B4GALT5: variants seen among roughly 807,000 people sequenced by gnomAD.
B4GALT5 encodes beta-1,4-galactosyltransferase 5.
A neutral mutation model predicts 45.0 loss-of-function variants in B4GALT5; 11 were observed. That is an observed-to-expected ratio of 0.24 (90% confidence interval 0.15 to 0.40). The LOEUF (loss-of-function observed/expected upper bound fraction) is 0.40, where lower values mean the gene tolerates loss of function less well. Ranked by LOEUF, B4GALT5 falls within the 10% of genes least tolerant of loss-of-function variation. B4GALT5 has a pLI of 1.00. For missense variants in B4GALT5, 337 were observed against 500.2 expected (o/e 0.67, Z 3.11); for synonymous variants, 185 against 182.9 (o/e 1.01, Z -0.09).
At chr20:49,650,468 A>C in intron 2 of B4GALT5, among the ~76,000 whole-genome samples, 1 of 151,360 alleles carries the variant, frequency 6.6e-6, no homozygotes. Flanking sequence ...AAAAAAAAAA[A>C]AAAAAAAAAA....
chr20:49,646,955 C>A lies in B4GALT5; in HGVS notation c.364+10G>T, dbSNP rs375548544. The stretch of plus-strand genomic sequence containing the variant: ...AAAAGCAGAGGAAGACAGGCCAGAG[C>A]TGTACTCACTCATGGAAGGGAGTCT... On this transcript the variant is annotated intron_variant, in intron 3 of 8. Coordinates refer to ENST00000371711, the MANE Select transcript of B4GALT5 (RefSeq NM_004776.4). 3 of 1,557,076 alleles carry A rather than the reference C, an allele frequency of 1.9e-6. No individual in the cohort carries two copies. The highest frequency in any genetic ancestry group is 2.2e-5 in the South Asian group (2 of 89,560).
intron 1 of B4GALT5, among the ~76,000 whole-genome samples, chr20:49,672,210 T>C (rs2085718978): frequency 6.6e-6 from 1 of 152,234 alleles, no homozygotes; most frequent in Non-Finnish European, 1.5e-5. Flanking sequence ...ATTGTTAGCC[T>C]GGAAGCTTGT....
chr20:49,695,118 T>C (rs574031871), intron 1 of B4GALT5, among the ~76,000 whole-genome samples: 4 of 151,544 alleles, frequency 2.6e-5, no homozygotes, highest in East Asian at 1.9e-4. Context: ...TTTTTGGTGA[T>C]GAGTAACTAA....
At chr20:49,676,600 TCC>T (rs1243228421) in intron 1 of B4GALT5, among the ~76,000 whole-genome samples, 1 of 152,182 alleles carries the variant, frequency 6.6e-6, no homozygotes, top group Admixed American at 6.5e-5. Flanking sequence ...AGCTCTTCCT[TCC>T]GTAAGAAGGC....
chr20:49,665,605 T>C (rs2085687118), intron 1 of B4GALT5, among the ~76,000 whole-genome samples: 1 of 151,028 alleles, frequency 6.6e-6, no homozygotes, highest in Non-Finnish European at 1.5e-5. Context: ...TCAACACTCA[T>C]TATATACATA....
chr20:49,707,894 A>G (rs559855249), intron 1 of B4GALT5, among the ~76,000 whole-genome samples: 8 of 149,274 alleles, frequency 5.4e-5, no homozygotes, highest in Non-Finnish European at 8.9e-5. Flanking sequence ...GATTAAAGGC[A>G]TGAGCCACCT....
chr20:49,673,356 G>A (rs2085723931), intron 1 of B4GALT5, among the ~76,000 whole-genome samples: 1 of 150,154 alleles, frequency 6.7e-6, no homozygotes, highest in Non-Finnish European at 1.5e-5. Flanking sequence ...CCCCAGCCTG[G>A]GTGACAAAGA....
intron 4 of B4GALT5, 147 bp downstream of exon 4, chr20:49,643,379 C>G (rs2085584952): frequency 9.5e-7 from 1 of 1,048,764 alleles, no homozygotes; most frequent in African/African-American, 1.6e-5. Context: ...TTGTGGAAAC[C>G]CATTCCTCTA....
At chr20:49,657,126 ACT>A (rs904957006) in intron 1 of B4GALT5, among the ~76,000 whole-genome samples, 5 of 152,160 alleles carry the variant, frequency 3.3e-5, no homozygotes, top group African/African-American at 4.8e-5. Flanking sequence ...GAAACCACTG[ACT>A]CTCTGACTGC....
intron 1 of B4GALT5, among the ~76,000 whole-genome samples, chr20:49,659,566 C>A (rs1239738088): frequency 6.6e-6 from 1 of 151,962 alleles, no homozygotes; most frequent in African/African-American, 2.4e-5. Context: ...AAGGAACTAG[C>A]ACAATGCTAA....
At chr20:49,656,503 C>T in intron 2 of B4GALT5, 65 bp downstream of exon 2, 6 of 1,582,912 alleles carry the variant, frequency 3.8e-6, no homozygotes, top group South Asian at 1.1e-5. Flanking sequence ...ATAATTATTG[C>T]AACCGAATTT....
chr20:49,708,646 T>G (rs1034906788), intron 1 of B4GALT5, among the ~76,000 whole-genome samples: 3 of 152,166 alleles, frequency 2.0e-5, no homozygotes, highest in South Asian at 4.1e-4. Flanking sequence ...GAACAGAATT[T>G]CAATTAATAA....
intron 1 of B4GALT5, among the ~76,000 whole-genome samples, chr20:49,700,007 C>G (rs1159675831): frequency 6.6e-6 from 1 of 152,126 alleles, no homozygotes; most frequent in African/African-American, 2.4e-5. Flanking sequence ...TCCGCTGCCC[C>G]CCACCCTTGC....
rs2085558771 is a variant in B4GALT5 at position 49,637,439 on chromosome 20, T to A, written c.921A>T (p.Val307=). The A allele has an allele frequency of 6.2e-7, 1 of 1,613,550 alleles. No individual in the cohort carries two copies. Among genetic ancestry groups the A allele is most frequent in the South Asian group, 1.1e-5 (1 of 91,054 alleles). Residue 307 remains valine (V), a synonymous_variant, in exon 8 of 9, where the codon GTA becomes GTT. Coordinates refer to ENST00000371711, the MANE Select transcript of B4GALT5 (RefSeq NM_004776.4). ...GGEDDDLWNR[V]QNAGYSVSRP... ...GGCTCACAGAATAGCCTGCATTCTGTACTCTGTCCAAGACCAAGAGAACAG... is the reference window on the plus strand; with the variant it reads ...GGCTCACAGAATAGCCTGCATTCTGAACTCTGTCCAAGACCAAGAGAACAG...
intron 1 of B4GALT5, among the ~76,000 whole-genome samples, chr20:49,663,176 A>G (rs1179660875): frequency 1.3e-5 from 2 of 152,214 alleles, no homozygotes; most frequent in African/African-American, 4.8e-5. Context: ...CTACAACATA[A>G]AAGTCAGGAG....
intron 1 of B4GALT5, among the ~76,000 whole-genome samples, chr20:49,698,799 T>G (rs1284179987): frequency 6.6e-6 from 1 of 152,222 alleles, no homozygotes; most frequent in Non-Finnish European, 1.5e-5. Context: ...GCTTTTTATT[T>G]TTTTAAATCT....
intron 2 of B4GALT5, among the ~76,000 whole-genome samples, chr20:49,655,784 C>T (rs1456465067): frequency 6.6e-6 from 1 of 151,916 alleles, no homozygotes; most frequent in Non-Finnish European, 1.5e-5. Flanking sequence ...CAAAAATTAG[C>T]CAGGCATGGT....
intron 8 of B4GALT5, among the ~76,000 whole-genome samples, chr20:49,637,086 C>T (rs910182998): frequency 1.3e-5 from 2 of 152,178 alleles, no homozygotes; most frequent in Admixed American, 6.5e-5. Flanking sequence ...CCAAAGGCTA[C>T]TGTGGAGACC....
At chr20:49,697,575 CT>C (rs11475400) in intron 1 of B4GALT5, among the ~76,000 whole-genome samples, 42,938 of 143,526 alleles carry the variant, frequency 0.3, 6,361 homozygotes, top group East Asian at 0.44. Context: ...GGGACATGTC[CT>C]TTTTTTTTTT....
Sources: gnomAD v4.1 joint callset for allele counts (sites outside exome capture counted in the v4.1 genomes callset) on GRCh38, gnomAD v4.1.1 for gene constraint, MANE v1.5 for transcripts, NCBI Gene and HGNC (gene_info 2026-07-23, HGNC 2026-07-21) for gene names.